Variants in CDK13 observed in about 807,000 individuals in gnomAD.
CDK13 encodes the protein cyclin dependent kinase 13.
A neutral mutation model predicts 137.6 loss-of-function variants in CDK13; 40 were observed. That is an observed-to-expected ratio of 0.29 (90% confidence interval 0.23 to 0.38). The LOEUF (loss-of-function observed/expected upper bound fraction) is 0.38, where lower values mean the gene tolerates loss of function less well. CDK13 is among the 10% of genes least tolerant of loss of function. The probability of loss-of-function intolerance (pLI) is 1.00; values close to 1 mark genes in which losing one functional copy is unlikely to be tolerated. For synonymous variants in CDK13, 869 were observed against 760.1 expected (o/e 1.14, Z -2.36); for missense variants, 1,704 against 1,951.8 (o/e 0.87, Z 2.39).
chr7:39,999,239 A>G, intron 3 of CDK13, 122 bp from the exon 4 acceptor site: 1 of 733,368 alleles, frequency 1.4e-6, no homozygotes, highest in Non-Finnish European at 2.1e-6. Context: ...ATGATGATAA[A>G]TACTGCAAGG....
intron 7 of CDK13, among the ~76,000 whole-genome samples, chr7:40,060,494 C>T (rs1043996378): frequency 2.0e-5 from 3 of 152,088 alleles, no homozygotes; most frequent in African/African-American, 7.2e-5. Context: ...CATGTGTCAT[C>T]TAAAGTTAGA....
intron 2 of CDK13, among the ~76,000 whole-genome samples, chr7:39,995,842 T>C (rs1424868233): frequency 6.6e-6 from 1 of 152,130 alleles, no homozygotes; most frequent in Non-Finnish European, 1.5e-5. Flanking sequence ...ACCCCATCTC[T>C]ACTAGAAATA....
rs762572513 is a variant in CDK13 at position 39,987,857 on chromosome 7, A to C, written c.1470A>C (p.Ser490=). Residue 490 remains serine (S), a synonymous_variant, in exon 2 of 14, where the codon TCA becomes TCC. Transcript: ENST00000181839. ...AEAAAKAAKA[S]NTSTPTKGNT... is the part of the protein sequence containing the mutation. ...CTGCTGCCAAGGCTGCAAAAGCTTC[A>C]AACACTTCTACACCTACCAAGGGGA... is the stretch of plus-strand genomic sequence containing the variant. 6.2e-7 allele frequency: 1 copy of C among 1,614,244 alleles called. No individual in the cohort carries two copies. The highest frequency in any genetic ancestry group is 8.5e-7 in the Non-Finnish European group (1 of 1,180,044).
At chr7:40,060,148 C>T (rs17171652) in intron 7 of CDK13, among the ~76,000 whole-genome samples, 16,956 of 152,138 alleles carry the variant, frequency 0.11, 1,082 homozygotes, top group Middle Eastern at 0.17. Flanking sequence ...GATGATGCTA[C>T]ATATTGCTTA....
At chr7:40,037,276 G>T (rs200267814) in intron 5 of CDK13, among the ~76,000 whole-genome samples, 1 of 152,140 alleles carries the variant, frequency 6.6e-6, no homozygotes, top group Non-Finnish European at 1.5e-5. Context: ...GTTTTGGTTT[G>T]GGGTCTCTCA....
chr7:39,963,848 A>G (rs1279996541), intron 1 of CDK13, among the ~76,000 whole-genome samples: 1 of 152,158 alleles, frequency 6.6e-6, no homozygotes, highest in Admixed American at 6.6e-5. Flanking sequence ...GAATTTTGTC[A>G]AAGGCCTTTT....
chr7:40,037,458 G>A (rs1264661833), intron 5 of CDK13, among the ~76,000 whole-genome samples: 1 of 152,188 alleles, frequency 6.6e-6, no homozygotes, highest in Non-Finnish European at 1.5e-5. Flanking sequence ...TATCCTGACA[G>A]CCTTGGTGGC....
chr7:39,987,927 G>A lies in CDK13; in HGVS notation c.1540G>A (p.Asp514Asn), dbSNP rs2116266328. The A allele has an allele frequency of 6.2e-7, 1 of 1,614,128 alleles. No homozygotes were observed. The highest frequency in any genetic ancestry group is 8.5e-7 in the Non-Finnish European group (1 of 1,179,988). Residue 514 changes from aspartate to asparagine, a missense_variant, in exon 2 of 14, where the codon GAT becomes AAT. Asp to Asn is a conservative substitution (Grantham distance 23). This residue lies in a region of CDK13 where 1,051 missense variants were observed against 931.0 expected (regional missense o/e 1.13). Coordinates refer to ENST00000181839, the MANE Select transcript of CDK13 (RefSeq NM_003718.5). ...ASASQTNHVK[D>N]VKKIKIEHAP... ...TGCATCACAAACAAACCATGTGAAG[G>A]ATGTGAAGAAAATTAAAATTGAACA... is the stretch of plus-strand genomic sequence containing the variant.
chr7:40,038,318 G>A (rs1264603919), intron 5 of CDK13, among the ~76,000 whole-genome samples: 1 of 152,156 alleles, frequency 6.6e-6, no homozygotes, highest in Non-Finnish European at 1.5e-5. Context: ...TTTGTTAGTA[G>A]ACAAAAATCA....
At chr7:39,997,901 G>T in intron 3 of CDK13, 1 of 408,140 alleles carries the variant, frequency 2.5e-6, no homozygotes, top group Non-Finnish European at 4.4e-6. Flanking sequence ...TAATTTCCTG[G>T]GGTATTGTAT....
intron 1 of CDK13, 32 bp from the exon 2 acceptor site, chr7:39,987,567 T>G: frequency 6.6e-7 from 1 of 1,519,478 alleles, no homozygotes; most frequent in Non-Finnish European, 8.8e-7. Flanking sequence ...CCTTTCTCAA[T>G]TACTGATTAA....
Position 40,045,602 on chromosome 7 carries a change from A to T in CDK13, c.2354-234A>T, listed in dbSNP as rs547702155. On this transcript the variant is annotated intron_variant, in intron 5 of 13. Coordinates refer to ENST00000181839, the MANE Select transcript of CDK13 (RefSeq NM_003718.5). ...AGCAGGGTGATTTTTTTTTTTTTTA[A>T]AATCATAACTGTTTTTTTGCGGGGA... Among the ~76,000 whole-genome samples, 51 of 147,034 alleles carry T rather than the reference A, an allele frequency of 3.5e-4. No individual in the cohort carries two copies. The South Asian group carries it at 8.5e-3, about 25-fold the overall frequency.
At chr7:40,014,736 G>A (rs1176434219) in intron 5 of CDK13, among the ~76,000 whole-genome samples, 3 of 152,134 alleles carry the variant, frequency 2.0e-5, no homozygotes, top group Non-Finnish European at 4.4e-5. Flanking sequence ...GATTACAGGC[G>A]TGTGCCACTG....
chr7:40,060,883 C>T (rs1018562849), intron 7 of CDK13: 2 of 152,290 alleles, frequency 1.3e-5, no homozygotes, highest in Admixed American at 1.3e-4. Flanking sequence ...GCCTGGCCAA[C>T]ATGGCAAAAC....
At chr7:40,040,891 T>C (rs558183307) in intron 5 of CDK13, among the ~76,000 whole-genome samples, 2 of 152,342 alleles carry the variant, frequency 1.3e-5, no homozygotes, top group Admixed American at 1.3e-4. Flanking sequence ...GTTATCTGCA[T>C]TTAAAGATAG....
chr7:40,069,649 CA>C (rs1355290496), intron 9 of CDK13: 3 of 159,676 alleles, frequency 1.9e-5, no homozygotes, highest in Non-Finnish European at 4.2e-5. Context: ...TAAAACTGAT[CA>C]AGAGTGATAA....
At chr7:40,031,926 A>G (rs559618243) in intron 5 of CDK13, among the ~76,000 whole-genome samples, 12 of 151,582 alleles carry the variant, frequency 7.9e-5, no homozygotes, top group East Asian at 3.9e-4. Flanking sequence ...CCTTCAAGCT[A>G]TCCTCCTGCC....
Position 39,950,908 on chromosome 7 carries a change from C to T in CDK13, c.267C>T (p.Val89=), listed in dbSNP as rs1366158446. 1.3e-5 allele frequency: 17 copies of T among 1,333,742 alleles called. No homozygotes were observed. Among genetic ancestry groups the T allele is most frequent in the Non-Finnish European group, 1.6e-5 (17 of 1,050,116 alleles). The allele number at this position is 1,333,742 out of a possible 1,614,324, so 82.6% of individuals were successfully genotyped here. ...TCAGCCCGGGCCCCCCTCTGGAGGT[C>T]AAGCGGCTGGCGAGAGGCAAGAGGC... is the stretch of plus-strand genomic sequence containing the variant. ...SCFSPGPPLE[V]KRLARGKRRA... The change falls in exon 1 of 14, where the codon GTC becomes GTT. Residue 89 remains valine, a synonymous_variant. Coordinates refer to ENST00000181839, the MANE Select transcript of CDK13 (RefSeq NM_003718.5).
At chr7:40,041,857 A>G (rs978233802) in intron 5 of CDK13, among the ~76,000 whole-genome samples, 1 of 152,178 alleles carries the variant, frequency 6.6e-6, no homozygotes, top group Non-Finnish European at 1.5e-5. Flanking sequence ...TAAGTGTTTT[A>G]TTATTACATT....
Sources: allele counts gnomAD v4.1 joint callset (sites outside exome capture counted in the v4.1 genomes callset), GRCh38; gene constraint gnomAD v4.1.1; regional missense constraint gnomAD v4.1.1; transcripts MANE v1.5; gene names NCBI Gene and HGNC (gene_info 2026-07-23, HGNC 2026-07-21).